LGR6: variants seen among roughly 807,000 people sequenced by gnomAD.
LGR6 encodes leucine rich repeat containing G protein-coupled receptor 6, also known as leucine-rich repeat-containing G protein-coupled receptor 6.
Under a neutral mutation model 69.4 loss-of-function variants are expected in LGR6, and 45 were observed. The ratio of observed to expected loss-of-function variants is 0.65; its 90% confidence interval spans 0.51 to 0.83. The LOEUF (loss-of-function observed/expected upper bound fraction) is 0.83. Among genes scored for constraint, LGR6 ranks in the 40% least tolerant of loss-of-function variants. The pLI is 0.00. For missense variants in LGR6, 1,108 were observed against 1,246.7 expected (o/e 0.89, Z 1.68); for synonymous variants, 538 against 555.0 (o/e 0.97, Z 0.43).
At chr1:202,312,432 C>T (rs1484828396) in intron 16 of LGR6, among the ~76,000 whole-genome samples, 1 of 152,182 alleles carries the variant, frequency 6.6e-6, no homozygotes, top group Non-Finnish European at 1.5e-5. Context: ...CACGACTCAG[C>T]CTCCGACCTG....
At chr1:202,224,576 C>T (rs533267578) in intron 1 of LGR6, among the ~76,000 whole-genome samples, 232 of 152,182 alleles carry the variant, frequency 1.5e-3, no homozygotes, top group Non-Finnish European at 2.7e-3. Context: ...GGGATGGTTT[C>T]GGGATGAAAC....
At chr1:202,307,569 T>A (rs1653345448) in intron 14 of LGR6, among the ~76,000 whole-genome samples, 168 bp downstream of exon 14, 2 of 152,178 alleles carry the variant, frequency 1.3e-5, no homozygotes, top group Admixed American at 1.3e-4. Context: ...GTGTGGGGCC[T>A]GATAAACAGA....
chr1:202,318,070 C>G lies in LGR6; in HGVS notation c.1767C>G (p.Gly589=). The G allele has an allele frequency of 6.2e-7, 1 of 1,614,206 alleles. No individual in the cohort carries two copies. Among genetic ancestry groups the G allele is most frequent in the Non-Finnish European group, 8.5e-7 (1 of 1,180,044 alleles). The change falls in exon 18 of 18, where the codon GGC becomes GGG. Residue 589 remains glycine (G), a synonymous_variant. Coordinates refer to ENST00000367278, the MANE Select transcript of LGR6 (RefSeq NM_001017403.2). ...TGGTGCTGCTGACCGTGTTCGCTGG[C>G]GGGCCTGTCCCCCTGCCCCCGGTCA... ...NGLVLLTVFA[G]GPVPLPPVKF...
At chr1:202,255,779 A>G (rs562738456) in intron 4 of LGR6, among the ~76,000 whole-genome samples, 1 of 152,344 alleles carries the variant, frequency 6.6e-6, no homozygotes, top group African/African-American at 2.4e-5. Context: ...TTCCTTTGTG[A>G]TACATTAAAT....
At chr1:202,205,517 C>T (rs537007279) in intron 1 of LGR6, among the ~76,000 whole-genome samples, 2 of 20,972 alleles carry the variant, frequency 9.5e-5, no homozygotes, top group East Asian at 1.5e-3. Context: ...ACACACACAC[C>T]CTCCTTCAAG....
At chr1:202,205,125 AC>A in intron 1 of LGR6, among the ~76,000 whole-genome samples, 1 of 85,520 alleles carries the variant, frequency 1.2e-5, no homozygotes, top group South Asian at 4.0e-4. Flanking sequence ...CACCTAACAC[AC>A]CTCCTTCAAA....
intron 3 of LGR6, among the ~76,000 whole-genome samples, chr1:202,235,210 C>T (rs1423116571): frequency 3.3e-5 from 5 of 152,326 alleles, no homozygotes; most frequent in East Asian, 3.9e-4. Context: ...CTCTACCCTA[C>T]ACATGGGGTT....
At chr1:202,312,715 A>C (rs930606174) in intron 16 of LGR6, among the ~76,000 whole-genome samples, 15 of 152,232 alleles carry the variant, frequency 9.9e-5, no homozygotes, top group African/African-American at 3.6e-4. Flanking sequence ...TTGGGTCTTC[A>C]GACACATTTC....
chr1:202,307,527 T>C, intron 14 of LGR6, 126 bp downstream of exon 14: 1 of 740,094 alleles, frequency 1.4e-6, no homozygotes, highest in Non-Finnish European at 2.4e-6. Flanking sequence ...GGCCTCAGCC[T>C]AATCAATCAT....
At chr1:202,226,170 A>T (rs1441701046) in intron 2 of LGR6, among the ~76,000 whole-genome samples, 1 of 152,160 alleles carries the variant, frequency 6.6e-6, no homozygotes, top group African/African-American at 2.4e-5. Flanking sequence ...AAAGTAAATC[A>T]TCTCCTGGAT....
At chr1:202,295,870 A>AGTGTGTGT (rs10522809) in intron 6 of LGR6, among the ~76,000 whole-genome samples, 2,481 of 143,986 alleles carry the variant, frequency 0.017, 30 homozygotes, top group Non-Finnish European at 0.02. Context: ...TTGGGTAATT[A>AGTGTGTGT]GTGTGTGTGT....
chr1:202,208,780 C>T (rs935270310), intron 1 of LGR6, among the ~76,000 whole-genome samples: 3 of 152,124 alleles, frequency 2.0e-5, no homozygotes, highest in Non-Finnish European at 2.9e-5. Context: ...GGCATGGGGG[C>T]GCAAAGGCAC....
chr1:202,215,145 A>C lies in LGR6; in HGVS notation c.213-10278A>C, dbSNP rs1164725171. ...TGGGGGTGGTGAGGGTGGGACTCTG[A>C]ATAGAGGGCTTTCTCCAGTTTTCCA... is the stretch of plus-strand genomic sequence containing the variant. On this transcript the variant is annotated intron_variant, in intron 1 of 17. Coordinates refer to ENST00000367278, the MANE Select transcript of LGR6 (RefSeq NM_001017403.2). 6.6e-5 allele frequency among the ~76,000 whole-genome samples: 10 copies of C among 151,652 alleles called. No individual in the cohort carries two copies. In the South Asian group the frequency reaches 1.0e-3, roughly 16 times the overall value.
In LGR6 at chr1:202,268,316, C is replaced by T. The variant is rs978376532; in HGVS notation, c.429-7990C>T. On this transcript the variant is annotated intron_variant, in intron 4 of 17. Coordinates refer to ENST00000367278, the MANE Select transcript of LGR6 (RefSeq NM_001017403.2). This position sits in a 1 kb window ranked among gnomAD's most constrained non-coding sequence, Gnocchi z 4.4. ...GGCCCAAGGGCATCTCCTCACTGCTCGGCAGGTGCCAGCCTGCTCCCTGCT... is the reference window on the plus strand; with the variant it reads ...GGCCCAAGGGCATCTCCTCACTGCTTGGCAGGTGCCAGCCTGCTCCCTGCT... 2.0e-5 allele frequency among the ~76,000 whole-genome samples: 3 copies of T among 152,192 alleles called. No homozygotes were observed. The highest frequency in any genetic ancestry group is 6.5e-5 in the Admixed American group (1 of 15,284).
chr1:202,246,134 A>G (rs1409583841), intron 4 of LGR6, among the ~76,000 whole-genome samples: 2 of 63,850 alleles, frequency 3.1e-5, no homozygotes, highest in African/African-American at 1.4e-4. Context: ...CCATCCATAT[A>G]TCCATTCCTC....
At chr1:202,299,293 A>G (rs1428271150) in intron 7 of LGR6, among the ~76,000 whole-genome samples, 2 of 151,804 alleles carry the variant, frequency 1.3e-5, no homozygotes, top group East Asian at 1.9e-4. Context: ...TGAGTGAGAA[A>G]CTATTGGAAT....
Position 202,214,066 on chromosome 1 carries a change from C to A in LGR6, c.213-11357C>A, listed in dbSNP as rs886323598. On this transcript the variant is annotated intron_variant, in intron 1 of 17. Transcript: ENST00000367278. ...GGCGCTATCCAGAGGGAAGGGCATA[C>A]GAGAGAAGCGGCAGAACGAGAGAGG... 7 of 1,366,146 alleles carry A rather than the reference C, an allele frequency of 5.1e-6. No homozygotes were observed. The East Asian group carries it at 1.5e-4, about 30-fold the overall frequency. 84.6% of individuals were successfully genotyped at this position (1,366,146 alleles called of 1,614,324 possible).
At chr1:202,218,461 G>A (rs1197159681) in intron 1 of LGR6, among the ~76,000 whole-genome samples, 1 of 152,094 alleles carries the variant, frequency 6.6e-6, no homozygotes, top group Non-Finnish European at 1.5e-5. Flanking sequence ...ACCGGGTCTG[G>A]CTAGTTTTTA....
chr1:202,254,624 G>A (rs563804930), intron 4 of LGR6, among the ~76,000 whole-genome samples: 1 of 152,338 alleles, frequency 6.6e-6, no homozygotes, highest in Non-Finnish European at 1.5e-5. Context: ...TAAGGGCTGT[G>A]AGACATGTTC....
Sources: gnomAD v4.1 joint callset for allele counts (sites outside exome capture counted in the v4.1 genomes callset) on GRCh38, gnomAD v4.1.1 for gene constraint, Gnocchi (gnomAD v3.1) non-coding constraint, MANE v1.5 for transcripts, NCBI Gene and HGNC (gene_info 2026-07-23, HGNC 2026-07-21) for gene names.